PFDN1: variants seen among roughly 807,000 people sequenced by gnomAD.
The protein encoded by PFDN1 is prefoldin subunit 1, also known as prefoldin 1.
PFDN1 carries 6 observed loss-of-function variants against 17.3 expected under a neutral mutation model. The observed-to-expected ratio is 0.35, with a 90% CI of 0.19 to 0.69. The LOEUF (loss-of-function observed/expected upper bound fraction) is 0.69. Ranked by LOEUF, PFDN1 falls within the 30% of genes least tolerant of loss-of-function variation. The pLI, the probability that PFDN1 is intolerant of heterozygous loss-of-function variation, is 0.65. For synonymous variants in PFDN1, 58 were observed against 50.1 expected (o/e 1.16, Z -0.67); for missense variants, 113 against 146.2 (o/e 0.77, Z 1.17).
intron 3 of PFDN1, among the ~76,000 whole-genome samples, chr5:140,263,798 G>A (rs1030200034): frequency 1.3e-5 from 2 of 151,818 alleles, no homozygotes; most frequent in Non-Finnish European, 2.9e-5. Flanking sequence ...GAGGTGGGCA[G>A]ATCACGAGGT....
At chr5:140,261,790 G>T (rs1258516619) in intron 3 of PFDN1, among the ~76,000 whole-genome samples, 1 of 151,956 alleles carries the variant, frequency 6.6e-6, no homozygotes, top group African/African-American at 2.4e-5. Flanking sequence ...TAAACTTCTA[G>T]GTAAGACAAG....
chr5:140,278,557 C>CAAAAAAAAAAAAAAAAAAAAAAAAAA (rs113129230), intron 3 of PFDN1, among the ~76,000 whole-genome samples: 1 of 79,006 alleles, frequency 1.3e-5, no homozygotes, highest in Non-Finnish European at 2.3e-5. Flanking sequence ...GACTCTGTCT[C>CAAAAAAAAAAAAAAAAAAAAAAAAAA]AAAAAAAAAA....
intron 3 of PFDN1, among the ~76,000 whole-genome samples, chr5:140,251,776 G>A (rs902758662): frequency 2.0e-5 from 3 of 152,096 alleles, no homozygotes; most frequent in South Asian, 2.1e-4. Context: ...ATTGCTCATC[G>A]GCCTGAGGTT....
intron 2 of PFDN1, among the ~76,000 whole-genome samples, chr5:140,288,223 C>T (rs1423284159): frequency 6.6e-6 from 1 of 152,122 alleles, no homozygotes; most frequent in African/African-American, 2.4e-5. Context: ...TATTATTCGA[C>T]GACAAAACGA....
intron 3 of PFDN1, among the ~76,000 whole-genome samples, chr5:140,269,120 C>T (rs1195640805): frequency 1.3e-5 from 2 of 152,134 alleles, no homozygotes; most frequent in Non-Finnish European, 2.9e-5. Context: ...TCAAGCAATC[C>T]TCCCACCTCA....
At chr5:140,267,135 C>G (rs938267841) in intron 3 of PFDN1, among the ~76,000 whole-genome samples, 2 of 152,156 alleles carry the variant, frequency 1.3e-5, no homozygotes, top group Non-Finnish European at 2.9e-5. Context: ...CAGTTACATG[C>G]AGGTGCACTG....
At chr5:140,249,000 T>C (rs2126677485) in intron 3 of PFDN1, among the ~76,000 whole-genome samples, 1 of 152,368 alleles carries the variant, frequency 6.6e-6, no homozygotes. Context: ...GTAGTAGACA[T>C]TTCTTAAAAG....
chr5:140,281,426 T>A, intron 3 of PFDN1, 23 bp downstream of exon 3: 1 of 1,029,218 alleles, frequency 9.7e-7, no homozygotes, highest in Non-Finnish European at 1.5e-6. Context: ...AAAAGTTAAC[T>A]CCTATTGCCA....
rs1038679332 is a variant in PFDN1 at position 140,254,027 on chromosome 5, G to A, written c.286-7970C>T. ...TCAAACTTTTTGTTCTAAATCAGGAGTCAGCAAACTTTTTCTATAAAGGGC... is the reference window on the plus strand; with the variant it reads ...TCAAACTTTTTGTTCTAAATCAGGAATCAGCAAACTTTTTCTATAAAGGGC... On this transcript the variant is annotated intron_variant, in intron 3 of 3. Transcript: ENST00000261813. This position sits in a 1 kb window ranked among gnomAD's most constrained non-coding sequence, Gnocchi z 4.4. 3.3e-5 allele frequency among the ~76,000 whole-genome samples: 5 copies of A among 152,170 alleles called. No homozygotes were observed. The East Asian group carries it at 7.7e-4, about 23-fold the overall frequency.
At chr5:140,290,104 AT>A (rs1765557030) in intron 2 of PFDN1, among the ~76,000 whole-genome samples, 1 of 152,040 alleles carries the variant, frequency 6.6e-6, no homozygotes, top group East Asian at 1.9e-4. Flanking sequence ...TCCCATATCC[AT>A]TTCCTTTTCT....
At chr5:140,266,231 G>A (rs1765132361) in intron 3 of PFDN1, among the ~76,000 whole-genome samples, 1 of 152,082 alleles carries the variant, frequency 6.6e-6, no homozygotes, top group African/African-American at 2.4e-5. Context: ...AGTCACCTTG[G>A]TTCTACCTTA....
chr5:140,278,639 T>G (rs1346797475), intron 3 of PFDN1, among the ~76,000 whole-genome samples: 1 of 150,914 alleles, frequency 6.6e-6, no homozygotes, highest in African/African-American at 2.4e-5. Flanking sequence ...AATGAGCACT[T>G]GCCCCCCCAA....
Position 140,275,371 on chromosome 5 carries a change from T to G in PFDN1, c.285+6078A>C, listed in dbSNP as rs182183079. Among the ~76,000 whole-genome samples, 109 of 147,132 alleles carry G rather than the reference T, an allele frequency of 7.4e-4. No individual in the cohort carries two copies. In the Middle Eastern group the frequency reaches 0.022, roughly 29 times the overall value. ...CTGCAGTGAGCCGAGATTGCGCCAC[T>G]GCACTCCAGCCTGGGAGACAGAACG... On this transcript the variant is annotated intron_variant, in intron 3 of 3. Coordinates refer to ENST00000261813, the MANE Select transcript of PFDN1 (RefSeq NM_002622.5).
At chr5:140,256,655 T>TAAA (rs1764989532) in intron 3 of PFDN1, among the ~76,000 whole-genome samples, 1 of 9,610 alleles carries the variant, frequency 1.0e-4, no homozygotes, top group Non-Finnish European at 2.6e-4. Flanking sequence ...AAACAAAAAA[T>TAAA]GACAAAAAAA....
chr5:140,248,527 A>C (rs1266830679), intron 3 of PFDN1, among the ~76,000 whole-genome samples: 1 of 152,222 alleles, frequency 6.6e-6, no homozygotes, highest in East Asian at 1.9e-4. Flanking sequence ...CCCCATGTGA[A>C]TGCAGGGGAA....
chr5:140,297,779 C>T (rs542429745), intron 2 of PFDN1, among the ~76,000 whole-genome samples: 8 of 152,324 alleles, frequency 5.3e-5, no homozygotes, highest in Non-Finnish European at 1.0e-4. Flanking sequence ...CCTAACACTT[C>T]TGCAGAACGT....
intron 3 of PFDN1, among the ~76,000 whole-genome samples, chr5:140,266,814 A>G (rs904069954): frequency 6.6e-6 from 1 of 152,262 alleles, no homozygotes; most frequent in African/African-American, 2.4e-5. Context: ...CAACAGCTTT[A>G]CAAGCAAGTA....
intron 3 of PFDN1, among the ~76,000 whole-genome samples, chr5:140,252,124 C>G (rs188895231): frequency 6.6e-6 from 1 of 152,040 alleles, no homozygotes. Context: ...CCTCCACCCC[C>G]ACCCCACTCC....
At chr5:140,281,301 T>C in intron 3 of PFDN1, 148 bp downstream of exon 3, 2 of 571,422 alleles carry the variant, frequency 3.5e-6, no homozygotes, top group Non-Finnish European at 6.2e-6. Flanking sequence ...AATATGAATA[T>C]GACAGCTTCA....
Sources: allele counts gnomAD v4.1 joint callset (sites outside exome capture counted in the v4.1 genomes callset), GRCh38; gene constraint gnomAD v4.1.1; non-coding constraint Gnocchi (gnomAD v3.1); transcripts MANE v1.5; gene names NCBI Gene and HGNC (gene_info 2026-07-23, HGNC 2026-07-21).